MLLT3: variants seen among roughly 807,000 people sequenced by gnomAD.
MLLT3 encodes the protein protein AF-9.
Under a neutral mutation model 53.2 loss-of-function variants are expected in MLLT3, and 4 were observed. That is an observed-to-expected ratio of 0.08 (90% CI 0.04 to 0.17). MLLT3 has a LOEUF of 0.17. MLLT3 is among the 10% of genes least tolerant of loss of function. The pLI is 1.00. For synonymous variants in MLLT3, 283 were observed against 230.6 expected (o/e 1.23, Z -2.06); for missense variants, 569 against 684.0 (o/e 0.83, Z 1.87).
chr9:20,385,738 G>T (rs1246662419), intron 5 of MLLT3, among the ~76,000 whole-genome samples: 1 of 152,132 alleles, frequency 6.6e-6, no homozygotes, highest in African/African-American at 2.4e-5. Context: ...GGGTAGGGGA[G>T]ACACTATCCT....
At chr9:20,451,564 C>T (rs1023657539) in intron 3 of MLLT3, among the ~76,000 whole-genome samples, 1 of 152,164 alleles carries the variant, frequency 6.6e-6, no homozygotes, top group Admixed American at 6.5e-5. Context: ...TACTCATCAA[C>T]TTGTGCTCTG....
intron 2 of MLLT3, among the ~76,000 whole-genome samples, chr9:20,482,588 C>T (rs1045867355): frequency 6.6e-6 from 1 of 152,210 alleles, no homozygotes; most frequent in East Asian, 1.9e-4. Context: ...ATATCCTATA[C>T]AACACAACAT....
At chr9:20,501,137 A>G (rs564329007) in intron 2 of MLLT3, among the ~76,000 whole-genome samples, 1 of 152,328 alleles carries the variant, frequency 6.6e-6, no homozygotes, top group East Asian at 1.9e-4. Flanking sequence ...AGGAATTACT[A>G]TATTTCCCTT....
chr9:20,390,636 T>G (rs1056131531), intron 5 of MLLT3, among the ~76,000 whole-genome samples: 2 of 152,238 alleles, frequency 1.3e-5, no homozygotes, highest in Admixed American at 6.5e-5. Flanking sequence ...ATTTCACATA[T>G]ACCAAGAACT....
chr9:20,368,415 C>T (rs895734118), intron 5 of MLLT3, among the ~76,000 whole-genome samples: 1 of 152,162 alleles, frequency 6.6e-6, no homozygotes, highest in African/African-American at 2.4e-5. Flanking sequence ...GGTTTCCTTA[C>T]AGTGAGCAGA....
At chr9:20,429,120 T>C (rs1823203823) in intron 4 of MLLT3, among the ~76,000 whole-genome samples, 1 of 152,088 alleles carries the variant, frequency 6.6e-6, no homozygotes, top group Non-Finnish European at 1.5e-5. Context: ...CCCTGTGGTT[T>C]TAGGAGGCCA....
intron 2 of MLLT3, among the ~76,000 whole-genome samples, chr9:20,610,341 G>T (rs1387795450): frequency 6.6e-6 from 1 of 152,118 alleles, no homozygotes; most frequent in East Asian, 1.9e-4. Flanking sequence ...AGGGAAAAAA[G>T]AGAAAAGAGA....
rs1176274864 is a variant in MLLT3, at chr9:20,620,293, A to ACACACACG, written c.193+360_193+361insCGTGTGTG. On this transcript the variant is annotated intron_variant, in intron 2 of 10. Transcript: ENST00000380338. This position sits in a 1 kb window ranked among gnomAD's most constrained non-coding sequence, Gnocchi z 6.1. ...CACACACACACACACACACACACACACGCGCAAAGTGTTTATTCCCTCCAG... is the reference window on the plus strand; with the variant it reads ...CACACACACACACACACACACACACACACACACGCGCGCAAAGTGTTTATTCCCTCCAG... 2.1e-4 allele frequency among the ~76,000 whole-genome samples: 31 copies of ACACACACG among 145,960 alleles called. No individual in the cohort carries two copies. Among genetic ancestry groups the ACACACACG allele is most frequent in the African/African-American group, 6.8e-4 (27 of 39,814 alleles).
At chr9:20,600,435 C>T (rs897322271) in intron 2 of MLLT3, among the ~76,000 whole-genome samples, 5 of 152,186 alleles carry the variant, frequency 3.3e-5, no homozygotes, top group South Asian at 2.1e-4. Context: ...CAACCCCTTC[C>T]TTAACCAACC....
chr9:20,349,812 C>A (rs1264584850), intron 10 of MLLT3, among the ~76,000 whole-genome samples: 1 of 152,212 alleles, frequency 6.6e-6, no homozygotes, highest in Admixed American at 6.5e-5. Context: ...TGCAGCCACA[C>A]ATGCACAACA....
intron 8 of MLLT3, among the ~76,000 whole-genome samples, chr9:20,355,529 T>A (rs558627123): frequency 6.6e-6 from 1 of 152,164 alleles, no homozygotes; most frequent in South Asian, 2.1e-4. Context: ...GAAGCTTTGG[T>A]GGGAAGCTAT....
intron 2 of MLLT3, among the ~76,000 whole-genome samples, chr9:20,484,369 C>T (rs1434126584): frequency 6.6e-6 from 1 of 152,142 alleles, no homozygotes; most frequent in Non-Finnish European, 1.5e-5. Flanking sequence ...TCTGACAGAA[C>T]AATTGTTCTA....
intron 2 of MLLT3, among the ~76,000 whole-genome samples, chr9:20,539,866 C>A (rs558908601): frequency 6.6e-6 from 1 of 152,298 alleles, no homozygotes; most frequent in South Asian, 2.1e-4. Flanking sequence ...AGGCAAGTCC[C>A]TTCCACATAA....
intron 2 of MLLT3, among the ~76,000 whole-genome samples, chr9:20,473,828 C>T (rs754790549): frequency 1.3e-5 from 2 of 152,058 alleles, no homozygotes; most frequent in Non-Finnish European, 2.9e-5. Context: ...GGCTCATATA[C>T]AACAATGAAG....
At position 20,620,605 on chromosome 9, in the gene MLLT3, T is replaced by C; in HGVS notation, c.193+49A>G. 2 of 1,548,234 alleles carry C rather than the reference T, an allele frequency of 1.3e-6. No individual in the cohort carries two copies. The highest frequency in any genetic ancestry group is 1.8e-6 in the Non-Finnish European group (2 of 1,134,444). ...CAGCGGGACCGCCCGGGCCAAGCGATTGTTTCAAAGACATTTTTTATCAAG... is the reference window on the plus strand; with the variant it reads ...CAGCGGGACCGCCCGGGCCAAGCGACTGTTTCAAAGACATTTTTTATCAAG... On this transcript the variant is annotated intron_variant, in intron 2 of 10. Transcript: ENST00000380338. This position sits in a 1 kb window ranked among gnomAD's most constrained non-coding sequence, Gnocchi z 6.1.
At chr9:20,606,118 G>A (rs962833966) in intron 2 of MLLT3, among the ~76,000 whole-genome samples, 3 of 152,036 alleles carry the variant, frequency 2.0e-5, no homozygotes, top group Non-Finnish European at 4.4e-5. Flanking sequence ...CTATCCCTGC[G>A]TATTCTCTAT....
rs188609816 is a variant in MLLT3, at chr9:20,612,193, T to A, written c.193+8461A>T. 2.5e-3 allele frequency among the ~76,000 whole-genome samples: 382 copies of A among 152,286 alleles called. 2 individuals carry two copies. Among genetic ancestry groups the A allele is most frequent in the African/African-American group, 9.0e-3 (376 of 41,578 alleles). On this transcript the variant is annotated intron_variant, in intron 2 of 10. Transcript: ENST00000380338. The stretch of plus-strand genomic sequence containing the variant: ...CTAGTTATCTTTGCACAGGCATACT[T>A]GTGACTCATTGTGTCTACATGCAAG...
intron 2 of MLLT3, among the ~76,000 whole-genome samples, chr9:20,514,583 C>A (rs564541589): frequency 6.6e-6 from 1 of 151,800 alleles, no homozygotes; most frequent in Admixed American, 6.6e-5. Context: ...AACTGCCTGG[C>A]CCATGGGACA....
chr9:20,389,237 C>T (rs141913388), intron 5 of MLLT3, among the ~76,000 whole-genome samples: 11 of 152,122 alleles, frequency 7.2e-5, no homozygotes, highest in African/African-American at 2.2e-4. Context: ...CCTGGAAATA[C>T]AATACTAAGT....
Sources: gnomAD v4.1 joint callset for allele counts (sites outside exome capture counted in the v4.1 genomes callset) on GRCh38, gnomAD v4.1.1 for gene constraint, Gnocchi (gnomAD v3.1) non-coding constraint, MANE v1.5 for transcripts, NCBI Gene and HGNC (gene_info 2026-07-23, HGNC 2026-07-21) for gene names.